Variants in MYO16 observed in about 807,000 individuals in gnomAD.
MYO16 encodes the protein unconventional myosin-XVI.
A neutral mutation model predicts 205.3 loss-of-function variants in MYO16; 94 were observed. The observed-to-expected ratio is 0.46, with a 90% CI of 0.39 to 0.54. MYO16 has a LOEUF of 0.54. Among genes scored for constraint, MYO16 ranks in the 20% least tolerant of loss-of-function variants. MYO16 has a pLI of 0.00. For synonymous variants in MYO16, 988 were observed against 954.0 expected (o/e 1.04, Z -0.66); for missense variants, 2,315 against 2,387.5 (o/e 0.97, Z 0.63).
Position 109,140,293 on chromosome 13 carries a change from G to C in MYO16, c.4081G>C (p.Asp1361His). The C allele has an allele frequency of 6.2e-7, 1 of 1,601,258 alleles. No homozygotes were observed. Residue 1361 changes from aspartate (D) to histidine (H), a missense_variant, in exon 32 of 35, where the codon GAC becomes CAC. Asp to His is a moderately conservative substitution (Grantham distance 81). Around this residue, in one of 3 missense-constraint regions of MYO16, gnomAD observed 1,097 missense variants for 1,092.0 expected, o/e 1.00. Coordinates refer to ENST00000457511, the MANE Select transcript of MYO16 (RefSeq NM_001198950.3). The surrounding 1 kb of genome is among the most constrained non-coding windows in gnomAD (Gnocchi z 8.0). ...ALARPRPHSDDYSTMKKIPPR... is the reference protein window; with the variant it reads ...ALARPRPHSDHYSTMKKIPPR... The stretch of plus-strand genomic sequence containing the variant: ...GGCCCGGCCCAGACCGCACAGCGAC[G>C]ACTACAGCACCATGAAGAAGATTCC...
intron 4 of MYO16, among the ~76,000 whole-genome samples, chr13:108,766,759 G>T (rs1264006404): frequency 2.0e-5 from 3 of 152,088 alleles, no homozygotes; most frequent in Admixed American, 6.5e-5. Context: ...TCATAGGTTT[G>T]CTTGTCTTTT....
intron 7 of MYO16, among the ~76,000 whole-genome samples, chr13:108,813,447 A>G (rs1326965993): frequency 6.6e-6 from 1 of 152,088 alleles, no homozygotes; most frequent in East Asian, 1.9e-4. Flanking sequence ...AATTAAATCA[A>G]TCATTTTTAG....
chr13:108,574,577 A>G, the MYO16 span, among the ~76,000 whole-genome samples: 6 of 152,162 alleles, frequency 3.9e-5, no homozygotes, highest in Non-Finnish European at 8.8e-5. Flanking sequence ...GTAACTTAAA[A>G]TGTTCAGTGT....
At chr13:108,553,005 C>CTTTTTTTTT in the MYO16 span, among the ~76,000 whole-genome samples, 6 of 64,848 alleles carry the variant, frequency 9.3e-5, no homozygotes, top group African/African-American at 3.0e-4. Context: ...CTTTAATACT[C>CTTTTTTTTT]TTTTTTTTTT....
At chr13:108,523,521 C>T in the MYO16 span, among the ~76,000 whole-genome samples, 7 of 152,188 alleles carry the variant, frequency 4.6e-5, no homozygotes, top group African/African-American at 1.7e-4. Context: ...CTGCAGACCA[C>T]AAACCTTCAA....
At chr13:109,187,643 C>G (rs1339096798) in intron 34 of MYO16, among the ~76,000 whole-genome samples, 5 of 152,178 alleles carry the variant, frequency 3.3e-5, no homozygotes, top group African/African-American at 7.2e-5. Context: ...CTGATGCTTT[C>G]CAAGTATTTG....
At chr13:108,736,165 A>C (rs1236348360) in intron 4 of MYO16, among the ~76,000 whole-genome samples, 1 of 151,958 alleles carries the variant, frequency 6.6e-6, no homozygotes, top group East Asian at 1.9e-4. Flanking sequence ...CCCATTTGTC[A>C]ATTTTGGCTT....
chr13:109,181,096 G>A (rs1879432006), intron 34 of MYO16, among the ~76,000 whole-genome samples: 1 of 152,244 alleles, frequency 6.6e-6, no homozygotes, highest in African/African-American at 2.4e-5. Context: ...AGGGTGCTTT[G>A]TGACTTTTCC....
intron 20 of MYO16, among the ~76,000 whole-genome samples, chr13:108,989,067 T>A (rs1884734341): frequency 6.6e-6 from 1 of 152,198 alleles, no homozygotes; most frequent in South Asian, 2.1e-4. Context: ...ATATATTTTT[T>A]AAATGAGGTT....
At chr13:108,773,366 C>T (rs977169423) in intron 4 of MYO16, among the ~76,000 whole-genome samples, 10 of 152,112 alleles carry the variant, frequency 6.6e-5, no homozygotes, top group African/African-American at 2.2e-4. Context: ...AATTTATTCT[C>T]GTATAGTTTT....
intron 5 of MYO16, among the ~76,000 whole-genome samples, chr13:108,786,892 C>G (rs1886474087): frequency 6.6e-6 from 1 of 152,212 alleles, no homozygotes; most frequent in Non-Finnish European, 1.5e-5. Context: ...AACGCTCACT[C>G]ACTTTCTCCA....
At chr13:109,199,437 G>A (rs2139967185) in intron 34 of MYO16, among the ~76,000 whole-genome samples, 1 of 151,810 alleles carries the variant, frequency 6.6e-6, no homozygotes, top group East Asian at 1.9e-4. Flanking sequence ...CATAACACTT[G>A]CCTTCTGGTT....
chr13:108,739,347 C>A (rs570506116), intron 4 of MYO16, among the ~76,000 whole-genome samples: 20 of 152,052 alleles, frequency 1.3e-4, no homozygotes, highest in Non-Finnish European at 2.8e-4. Context: ...GACAAAATCT[C>A]TCAGTGTTTG....
At chr13:108,598,318 GAGACAGAC>G (rs61231267) in intron 1 of MYO16, among the ~76,000 whole-genome samples, 6 of 151,692 alleles carry the variant, frequency 4.0e-5, no homozygotes, top group African/African-American at 1.5e-4. Context: ...GAGAGAGAGA[GAGACAGAC>G]AGACAGACAG....
Position 109,161,163 on chromosome 13 carries a change from C to T in MYO16, c.5165-3738C>T, listed in dbSNP as rs138313473. Among the ~76,000 whole-genome samples, 73 of 152,298 alleles carry T rather than the reference C, an allele frequency of 4.8e-4. 1 individual carries two copies. The East Asian group carries it at 0.013, about 27-fold the overall frequency. Reference sequence around the variant, plus strand: ...GAGGAGAACCCCAAAGTGGGGATGTCGATACTGAAGCCGCAGCACTATTGC... The same window carrying T: ...GAGGAGAACCCCAAAGTGGGGATGTTGATACTGAAGCCGCAGCACTATTGC... On this transcript the variant is annotated intron_variant, in intron 32 of 34. Coordinates refer to ENST00000457511, the MANE Select transcript of MYO16 (RefSeq NM_001198950.3).
intron 27 of MYO16, among the ~76,000 whole-genome samples, chr13:109,088,503 C>T (rs979796289): frequency 2.2e-4 from 33 of 152,064 alleles, no homozygotes; most frequent in African/African-American, 8.0e-4. Flanking sequence ...TTTTTATCTG[C>T]TTCCTGGTAT....
intron 23 of MYO16, among the ~76,000 whole-genome samples, chr13:109,036,407 G>C (rs1443602129): frequency 6.6e-6 from 1 of 152,130 alleles, no homozygotes; most frequent in Non-Finnish European, 1.5e-5. Context: ...CAGACATGGT[G>C]AAAGTTTTAT....
the MYO16 span, among the ~76,000 whole-genome samples, chr13:108,545,510 G>A: frequency 6.6e-6 from 1 of 152,076 alleles, no homozygotes; most frequent in South Asian, 2.1e-4. Flanking sequence ...ATTTCTTTGG[G>A]CATACACCCA....
At chr13:109,196,141 T>TATC (rs1880141641) in intron 34 of MYO16, among the ~76,000 whole-genome samples, 1 of 152,206 alleles carries the variant, frequency 6.6e-6, no homozygotes, top group Non-Finnish European at 1.5e-5. Context: ...TCCATCTTCT[T>TATC]ATCTAATTGA....
Sources: allele counts gnomAD v4.1 joint callset (sites outside exome capture counted in the v4.1 genomes callset), GRCh38; gene constraint gnomAD v4.1.1; regional missense constraint gnomAD v4.1.1; non-coding constraint Gnocchi (gnomAD v3.1); transcripts MANE v1.5; gene names NCBI Gene and HGNC (gene_info 2026-07-23, HGNC 2026-07-21).